SH3YL1: variants seen among roughly 807,000 people sequenced by gnomAD.
SH3YL1 encodes the protein SH3 domain-containing YSC84-like protein 1.
In SH3YL1, 41 loss-of-function variants were observed where a neutral mutation model predicts 45.8. That is an observed-to-expected ratio of 0.89 (90% CI 0.70 to 1.16). SH3YL1 has a LOEUF of 1.16. Ranked by LOEUF, SH3YL1 falls within the 50% of genes most tolerant of loss-of-function variation. The pLI, the probability that SH3YL1 is intolerant of heterozygous loss-of-function variation, is 0.00. For missense variants in SH3YL1, 389 were observed against 409.6 expected (o/e 0.95, Z 0.43); for synonymous variants, 152 against 151.4 (o/e 1.00, Z -0.03).
At chr2:263,800 A>C (rs1572188759) in intron 1 of SH3YL1, 184 bp downstream of exon 1, 1 of 498,432 alleles carries the variant, frequency 2.0e-6, no homozygotes, top group Non-Finnish European at 3.6e-6. Flanking sequence ...CTTCAATCAA[A>C]ATCGCTGTGG....
intron 4 of SH3YL1, chr2:240,242 G>C (rs1212716294): frequency 6.6e-6 from 1 of 152,422 alleles, no homozygotes; most frequent in Non-Finnish European, 1.5e-5. Context: ...ACAGAGGCAA[G>C]CCAAGCTACT....
At chr2:259,821 C>T (rs1669509829) in intron 1 of SH3YL1, 2 of 150,774 alleles carry the variant, frequency 1.3e-5, no homozygotes, top group Non-Finnish European at 2.9e-5. Context: ...TCATTCACAG[C>T]TTTGTGTTAC....
chr2:247,943 A>G (rs1195597653), intron 3 of SH3YL1, among the ~76,000 whole-genome samples: 1 of 152,196 alleles, frequency 6.6e-6, no homozygotes, highest in African/African-American at 2.4e-5. Context: ...TTTATAGAAC[A>G]ACTTAGCTGT....
At chr2:263,873 G>A (rs541878269) in intron 1 of SH3YL1, 111 bp downstream of exon 1, 17 of 910,540 alleles carry the variant, frequency 1.9e-5, no homozygotes, top group Non-Finnish European at 2.8e-5. Context: ...ACAGACGCGC[G>A]ACCTAGAAAC....
upstream of SH3YL1, chr2:264,157 G>T (rs1415148581): frequency 3.1e-6 from 3 of 953,978 alleles, no homozygotes; most frequent in Non-Finnish European, 4.3e-6. Context: ...CCACGCGCCC[G>T]CCGGGCCGCG....
chr2:241,563 A>G (rs927870772), intron 4 of SH3YL1: 1 of 152,196 alleles, frequency 6.6e-6, no homozygotes, highest in Non-Finnish European at 1.5e-5. Context: ...ACAAATTCTG[A>G]GTAGAATAAA....
rs1019819343 is a variant in SH3YL1 at position 247,275 on chromosome 2, G to A, written c.291+263C>T. Among the ~76,000 whole-genome samples the A allele has an allele frequency of 3.3e-5, 5 of 152,208 alleles. No individual in the cohort carries two copies. The South Asian group carries it at 1.0e-3, about 32-fold the overall frequency. On this transcript the variant is annotated intron_variant, in intron 4 of 9. Coordinates refer to ENST00000356150, the MANE Select transcript of SH3YL1 (RefSeq NM_015677.4). ...GACAGCTGGCCAGGTGTTGGGATGT[G>A]CCTGTTATACAAATGTGCATGAGAC...
chr2:244,255 G>A (rs1668680656), intron 4 of SH3YL1, among the ~76,000 whole-genome samples: 1 of 151,386 alleles, frequency 6.6e-6, no homozygotes, highest in Non-Finnish European at 1.5e-5. Context: ...CCAGCACTTT[G>A]GGAGGCCGAG....
intron 4 of SH3YL1, among the ~76,000 whole-genome samples, chr2:237,996 C>T (rs1668379551): frequency 6.6e-6 from 1 of 152,104 alleles, no homozygotes; most frequent in East Asian, 1.9e-4. Flanking sequence ...GAGAGGGTAC[C>T]ACCCCATCTC....
At position 218,575 on chromosome 2, in the gene SH3YL1, G is replaced by A. The variant is rs999432453; in HGVS notation, c.*236C>T. Reference sequence around the variant, plus strand: ...AAGTGTTCACAAGAGAACTATGAGCGTATAAACTGTATGATATTCTATGAC... The same window carrying A: ...AAGTGTTCACAAGAGAACTATGAGCATATAAACTGTATGATATTCTATGAC... On this transcript the variant is annotated 3_prime_UTR_variant, in exon 10 of 10. Coordinates refer to ENST00000356150, the MANE Select transcript of SH3YL1 (RefSeq NM_015677.4). 6 of 426,894 alleles carry A rather than the reference G, an allele frequency of 1.4e-5. No individual in the cohort carries two copies. Among genetic ancestry groups the A allele is most frequent in the South Asian group, 1.0e-4 (2 of 19,542 alleles). 26.4% of individuals were successfully genotyped at this position (426,894 alleles called of 1,614,324 possible). A position where few individuals can be genotyped will look rare whatever the true frequency, so the allele number is the denominator to read the frequency against.
At chr2:234,902 A>G (rs557596865) in intron 4 of SH3YL1, among the ~76,000 whole-genome samples, 1 of 152,162 alleles carries the variant, frequency 6.6e-6, no homozygotes, top group East Asian at 1.9e-4. Context: ...CTTGAGAAAG[A>G]GTTTCACTCT....
At chr2:247,440 A>G in intron 4 of SH3YL1, 98 bp downstream of exon 4, 1 of 872,718 alleles carries the variant, frequency 1.1e-6, no homozygotes, top group Non-Finnish European at 1.7e-6. Flanking sequence ...GCCAATGGTA[A>G]CAATAAGAAC....
chr2:242,668 A>T, intron 4 of SH3YL1: 2 of 1,221,344 alleles, frequency 1.6e-6, no homozygotes, highest in Middle Eastern at 2.7e-4. Flanking sequence ...ATAATCTATT[A>T]AATGTGAATG....
At chr2:220,785 A>G (rs1667535357) in intron 9 of SH3YL1, among the ~76,000 whole-genome samples, 1 of 152,224 alleles carries the variant, frequency 6.6e-6, no homozygotes, top group Non-Finnish European at 1.5e-5. Context: ...AGAACAAATC[A>G]GTGAAGAACC....
chr2:262,361 TC>T (rs1441843593), intron 1 of SH3YL1: 1 of 260,038 alleles, frequency 3.8e-6, no homozygotes, highest in Non-Finnish European at 7.7e-6. Context: ...TTGTTTCCAG[TC>T]CCCCAACCCC....
At chr2:223,225 C>T (rs1368837549) in intron 9 of SH3YL1, among the ~76,000 whole-genome samples, 2 of 152,196 alleles carry the variant, frequency 1.3e-5, no homozygotes, top group Non-Finnish European at 2.9e-5. Context: ...TCTCTGTCTC[C>T]ACAGCCCACT....
chr2:243,990 T>C (rs922978285), intron 4 of SH3YL1, among the ~76,000 whole-genome samples: 19 of 152,118 alleles, frequency 1.2e-4, no homozygotes, highest in Admixed American at 4.6e-4. Flanking sequence ...TATTGAGGGA[T>C]GTGCAGACAA....
At chr2:246,905 T>TG (rs1351382091) in intron 4 of SH3YL1, among the ~76,000 whole-genome samples, 1 of 152,072 alleles carries the variant, frequency 6.6e-6, no homozygotes, top group Non-Finnish European at 1.5e-5. Context: ...TAGGAAGAAA[T>TG]GGACTGAAAT....
At chr2:242,682 T>G in intron 4 of SH3YL1, 1 of 1,316,022 alleles carries the variant, frequency 7.6e-7, no homozygotes, top group Non-Finnish European at 9.8e-7. Context: ...GTGAATGAAT[T>G]AAACAACCAA....
Sources: allele counts gnomAD v4.1 joint callset (sites outside exome capture counted in the v4.1 genomes callset), GRCh38; gene constraint gnomAD v4.1.1; transcripts MANE v1.5; gene names NCBI Gene and HGNC (gene_info 2026-07-23, HGNC 2026-07-21).